VRK1: variants seen among roughly 807,000 people sequenced by gnomAD.
VRK1 encodes the protein serine/threonine-protein kinase VRK1.
A neutral mutation model predicts 57.1 loss-of-function variants in VRK1; 33 were observed. That is an observed-to-expected ratio of 0.58 (90% CI 0.44 to 0.77). The LOEUF (loss-of-function observed/expected upper bound fraction) is 0.77, where lower values mean the gene tolerates loss of function less well. Among genes scored for constraint, VRK1 ranks in the 30% least tolerant of loss-of-function variants. VRK1 has a pLI of 0.00. For missense variants in VRK1, 413 were observed against 477.3 expected (o/e 0.87, Z 1.25); for synonymous variants, 137 against 147.8 (o/e 0.93, Z 0.53).
chr14:96,846,907 G>A (rs571914517), intron 4 of VRK1, among the ~76,000 whole-genome samples: 23 of 152,058 alleles, frequency 1.5e-4, no homozygotes, highest in Middle Eastern at 6.8e-3. Flanking sequence ...TTATATGAGG[G>A]ACTTGAGCAT....
At chr14:96,812,401 C>T (rs887159780) in intron 1 of VRK1, among the ~76,000 whole-genome samples, 4 of 152,134 alleles carry the variant, frequency 2.6e-5, no homozygotes, top group Admixed American at 2.6e-4. Flanking sequence ...CTCTCTAGAT[C>T]CTACCAAAAC....
intron 1 of VRK1, among the ~76,000 whole-genome samples, chr14:96,806,213 C>T (rs1285445663): frequency 6.6e-6 from 1 of 152,268 alleles, no homozygotes; most frequent in African/African-American, 2.4e-5. Context: ...GATGTTCAAA[C>T]GTCTGTCCAT....
intron 11 of VRK1, among the ~76,000 whole-genome samples, chr14:96,869,838 G>C (rs1421464958): frequency 6.6e-6 from 1 of 152,116 alleles, no homozygotes; most frequent in Non-Finnish European, 1.5e-5. Context: ...ATTGAGGGAA[G>C]ATCAGGTAGT....
In VRK1 at chr14:96,833,463, A is replaced by G. The variant is rs371489397; in HGVS notation, c.-5-4A>G. ...TCTGACCATTTCTTTGTTTTATGTT[A>G]TAGTGAAAATGCCTCGTGTAAAAGC... On this transcript the variant is annotated splice_region_variant and splice_polypyrimidine_tract_variant and intron_variant, in intron 1 of 12. Coordinates refer to ENST00000216639, the MANE Select transcript of VRK1 (RefSeq NM_003384.3). The G allele has an allele frequency of 8.7e-6, 14 of 1,613,148 alleles. No individual in the cohort carries two copies. In the African/African-American group the frequency reaches 1.7e-4, roughly 20 times the overall value.
chr14:96,823,684 G>A (rs1050772687), intron 1 of VRK1, among the ~76,000 whole-genome samples: 4 of 152,180 alleles, frequency 2.6e-5, no homozygotes, highest in Admixed American at 2.0e-4. Flanking sequence ...ACACAGTAGC[G>A]TTAAGTGTAT....
intron 11 of VRK1, among the ~76,000 whole-genome samples, chr14:96,869,779 A>G (rs1888741544): frequency 6.6e-6 from 1 of 152,050 alleles, no homozygotes; most frequent in African/African-American, 2.4e-5. Flanking sequence ...TGTGTCTGCC[A>G]TTTTCTGCCT....
At chr14:96,804,581 A>G (rs1032547110) in intron 1 of VRK1, among the ~76,000 whole-genome samples, 1 of 152,202 alleles carries the variant, frequency 6.6e-6, no homozygotes, top group African/African-American at 2.4e-5. Context: ...AAGAGTATAT[A>G]AACTTCTGGC....
At chr14:96,839,147 T>C (rs1193149767) in intron 3 of VRK1, among the ~76,000 whole-genome samples, 1 of 150,868 alleles carries the variant, frequency 6.6e-6, no homozygotes, top group South Asian at 2.1e-4. Flanking sequence ...ATGTAAATGG[T>C]ATTAAACAGT....
chr14:96,877,384 T>A (rs900292370), intron 12 of VRK1: 2 of 628,688 alleles, frequency 3.2e-6, no homozygotes, highest in Non-Finnish European at 5.0e-6. Flanking sequence ...AGGGAATATA[T>A]AACTTCACAC....
chr14:96,845,999 C>A, intron 3 of VRK1, 96 bp from the exon 4 acceptor site: 1 of 1,127,778 alleles, frequency 8.9e-7, no homozygotes, highest in Non-Finnish European at 1.3e-6. Flanking sequence ...TTACATTGGA[C>A]AGAAAAATAG....
At chr14:96,807,267 C>T (rs1472034084) in intron 1 of VRK1, among the ~76,000 whole-genome samples, 1 of 152,190 alleles carries the variant, frequency 6.6e-6, no homozygotes, top group Non-Finnish European at 1.5e-5. Context: ...TTAATTTCTT[C>T]TACTCACTTC....
At chr14:96,851,959 T>A (rs1689317811) in intron 5 of VRK1, among the ~76,000 whole-genome samples, 1 of 152,194 alleles carries the variant, frequency 6.6e-6, no homozygotes, top group African/African-American at 2.4e-5. Flanking sequence ...ACATTCTGAG[T>A]GTGGTTTTGA....
chr14:96,823,874 G>A (rs996374117), intron 1 of VRK1, among the ~76,000 whole-genome samples: 1 of 152,088 alleles, frequency 6.6e-6, no homozygotes, highest in African/African-American at 2.4e-5. Context: ...TATTTTTCAA[G>A]GCTGAATAAT....
At chr14:96,840,858 CTTT>C (rs56081379) in intron 3 of VRK1, among the ~76,000 whole-genome samples, 1 of 143,452 alleles carries the variant, frequency 7.0e-6, no homozygotes, top group African/African-American at 2.6e-5. Flanking sequence ...ATAACTTGAA[CTTT>C]TTTTTTTTTT....
At chr14:96,860,503 G>A (rs1888341588) in intron 10 of VRK1, 54 bp from the exon 11 acceptor site, 3 of 1,499,798 alleles carry the variant, frequency 2.0e-6, no homozygotes, top group Non-Finnish European at 2.7e-6. Flanking sequence ...ATTTTTTTTA[G>A]AGGTTAGAGA....
intron 10 of VRK1, among the ~76,000 whole-genome samples, chr14:96,857,338 T>G (rs61981027): frequency 0.32 from 48,738 of 151,882 alleles, 9,308 homozygotes; most frequent in East Asian, 0.85. Context: ...ACAGCCTCAC[T>G]TGGAAGGTGA....
chr14:96,848,239 C>G (rs1954912014), intron 5 of VRK1, among the ~76,000 whole-genome samples: 1 of 152,136 alleles, frequency 6.6e-6, no homozygotes, highest in Admixed American at 6.6e-5. Context: ...GCTTCACATG[C>G]AGGCACAGTA....
chr14:96,832,014 A>T (rs1051941349), intron 1 of VRK1, among the ~76,000 whole-genome samples: 1 of 152,012 alleles, frequency 6.6e-6, no homozygotes, highest in Non-Finnish European at 1.5e-5. Context: ...ACTAATTGAC[A>T]TGAAGAAATA....
chr14:96,862,672 A>T (rs960902707), intron 11 of VRK1, among the ~76,000 whole-genome samples: 1 of 152,156 alleles, frequency 6.6e-6, no homozygotes, highest in African/African-American at 2.4e-5. Context: ...GGCTCCCTGC[A>T]ATGAAAAGCT....
Sources: gnomAD v4.1 joint callset for allele counts (sites outside exome capture counted in the v4.1 genomes callset) on GRCh38, gnomAD v4.1.1 for gene constraint, MANE v1.5 for transcripts, NCBI Gene and HGNC (gene_info 2026-07-23, HGNC 2026-07-21) for gene names.